CAMTA1: variants seen among roughly 807,000 people sequenced by gnomAD.
The protein encoded by CAMTA1 is calmodulin-binding transcription activator 1.
In CAMTA1, 27 loss-of-function variants were observed where a neutral mutation model predicts 170.9. That is an observed-to-expected ratio of 0.16 (90% confidence interval 0.12 to 0.22). The LOEUF (loss-of-function observed/expected upper bound fraction) is 0.22. Among genes scored for constraint, CAMTA1 ranks in the 10% least tolerant of loss-of-function variants. The pLI is 1.00. For synonymous variants in CAMTA1, 833 were observed against 891.5 expected, an observed-to-expected ratio of 0.93 and a Z score of 1.17; for missense variants, 1,619 against 2,217.2, an observed-to-expected ratio of 0.73 and a Z score of 5.42.
In CAMTA1 at chr1:7,612,388, C is replaced by T. The variant is rs576869644; in HGVS notation, c.511-28012C>T. Among the ~76,000 whole-genome samples the T allele has an allele frequency of 3.3e-5, 5 of 152,330 alleles. No homozygotes were observed. The East Asian group carries it at 9.6e-4, about 29-fold the overall frequency. On this transcript the variant is annotated intron_variant, in intron 6 of 22. Transcript: ENST00000303635. ...CGTTTAGACACTCCTTCTCTTTTCT[C>T]TTTCTCTGCCGTGCCACTGTGCCAC...
chr1:7,017,053 C>T (rs982984079), intron 3 of CAMTA1, among the ~76,000 whole-genome samples: 2 of 152,182 alleles, frequency 1.3e-5, no homozygotes, highest in Non-Finnish European at 2.9e-5. Context: ...TTCTTACACC[C>T]CACCACTGGG....
intron 6 of CAMTA1, among the ~76,000 whole-genome samples, chr1:7,579,552 C>CTTTCTTTCTTTTTT (rs1436192966): frequency 8.8e-5 from 7 of 79,192 alleles, no homozygotes; most frequent in African/African-American, 4.1e-4. Flanking sequence ...CTTTTCTTTT[C>CTTTCTTTCTTTTTT]TTTTTTTTTT....
At chr1:7,385,978 G>A (rs899455816) in intron 5 of CAMTA1, among the ~76,000 whole-genome samples, 1 of 152,146 alleles carries the variant, frequency 6.6e-6, no homozygotes, top group African/African-American at 2.4e-5. Context: ...TGTTGCGTGT[G>A]CCTCCCCCAT....
intron 6 of CAMTA1, among the ~76,000 whole-genome samples, chr1:7,558,251 C>T (rs747053813): frequency 5.3e-5 from 8 of 152,220 alleles, no homozygotes; most frequent in Admixed American, 2.6e-4. Context: ...CCAGGGCCCC[C>T]GCCCGCTGCC....
chr1:7,525,022 C>T (rs1271514976), intron 6 of CAMTA1, among the ~76,000 whole-genome samples: 1 of 152,184 alleles, frequency 6.6e-6, no homozygotes, highest in Non-Finnish European at 1.5e-5. Context: ...AAATCAAGGG[C>T]TGCAGACCTG....
intron 7 of CAMTA1, among the ~76,000 whole-genome samples, chr1:7,650,314 GTCA>G (rs999416144): frequency 6.6e-6 from 1 of 152,192 alleles, no homozygotes; most frequent in African/African-American, 2.4e-5. Flanking sequence ...CACTTTGTAT[GTCA>G]CTGAGCACCT....
At chr1:7,507,120 C>T (rs377039656) in intron 6 of CAMTA1, among the ~76,000 whole-genome samples, 2 of 151,786 alleles carry the variant, frequency 1.3e-5, no homozygotes, top group Non-Finnish European at 2.9e-5. Context: ...ACCCTCTAAC[C>T]CTCTCACATT....
intron 3 of CAMTA1, among the ~76,000 whole-genome samples, chr1:6,973,127 C>T (rs548894827): frequency 6.6e-6 from 1 of 152,342 alleles, no homozygotes; most frequent in South Asian, 2.1e-4. Context: ...GCTGGGATTA[C>T]AGGCATGAGC....
intron 5 of CAMTA1, among the ~76,000 whole-genome samples, chr1:7,304,002 C>G (rs1432052938): frequency 2.0e-5 from 3 of 152,112 alleles, no homozygotes; most frequent in African/African-American, 7.2e-5. Context: ...TCTCTGAGAT[C>G]TCAGAATAGG....
intron 4 of CAMTA1, among the ~76,000 whole-genome samples, chr1:7,242,123 A>G (rs756145428): frequency 1.3e-5 from 2 of 152,196 alleles, no homozygotes; most frequent in Non-Finnish European, 2.9e-5. Context: ...AAGGCAACTC[A>G]ATTAAAAATA....
intron 3 of CAMTA1, among the ~76,000 whole-genome samples, chr1:6,936,417 G>T (rs1213556253): frequency 6.6e-6 from 1 of 152,146 alleles, no homozygotes; most frequent in Non-Finnish European, 1.5e-5. Context: ...TGTTTCTGGT[G>T]GTGCCTGGTG....
Position 7,665,841 on chromosome 1 carries a change from A to C in CAMTA1, c.2652+642A>C, listed in dbSNP as rs1344544736. 6.6e-6 allele frequency among the ~76,000 whole-genome samples: 1 copy of C among 151,258 alleles called. No individual in the cohort carries two copies. The highest frequency in any genetic ancestry group is 1.5e-5 in the Non-Finnish European group (1 of 67,830). ...TATGTTTTGCTTTGCTTTTTTTTTG[A>C]AAAGGGGTCCCAGGGTTGCTTAAAA... On this transcript the variant is annotated intron_variant, in intron 9 of 22. Transcript: ENST00000303635. The surrounding 1 kb of genome is among the most constrained non-coding windows in gnomAD (Gnocchi z 4.3).
intron 9 of CAMTA1, among the ~76,000 whole-genome samples, chr1:7,669,433 C>T (rs906341353): frequency 8.5e-5 from 13 of 152,226 alleles, no homozygotes; most frequent in East Asian, 1.9e-4. Flanking sequence ...TTGTAGAGGC[C>T]GGGGCTTCCT....
chr1:7,572,731 C>T (rs554181953), intron 6 of CAMTA1, among the ~76,000 whole-genome samples: 3 of 152,316 alleles, frequency 2.0e-5, no homozygotes, highest in African/African-American at 7.2e-5. Context: ...AATACCATCA[C>T]CTGGGGGTTT....
intron 3 of CAMTA1, among the ~76,000 whole-genome samples, chr1:6,825,846 G>A (rs75371016): frequency 0.017 from 2,584 of 152,252 alleles, 34 homozygotes; most frequent in South Asian, 0.033. Context: ...GTTAGGAGTG[G>A]ATTGCTTTGT....
At position 7,224,618 on chromosome 1, in the gene CAMTA1, G is replaced by A. The variant is rs1661370851; in HGVS notation, c.303-24873G>A. Among the ~76,000 whole-genome samples, 1 of 152,198 alleles carries A rather than the reference G, an allele frequency of 6.6e-6. No homozygotes were observed. Among genetic ancestry groups the A allele is most frequent in the Non-Finnish European group, 1.5e-5 (1 of 68,034 alleles). On this transcript the variant is annotated intron_variant, in intron 4 of 22. Transcript: ENST00000303635. This position sits in a 1 kb window ranked among gnomAD's most constrained non-coding sequence, Gnocchi z 5.2. ...CACAAAACTCATGAATTCCGTCCCT[G>A]CTCAAGCGGGGTCCCAGGTTGGAGG...
intron 6 of CAMTA1, among the ~76,000 whole-genome samples, chr1:7,495,917 A>G (rs1427032713): frequency 6.6e-6 from 1 of 152,124 alleles, no homozygotes; most frequent in East Asian, 1.9e-4. Context: ...GCCTGTTCCC[A>G]GGGTCCTGTC....
chr1:7,071,598 G>T (rs1318769015), intron 3 of CAMTA1, among the ~76,000 whole-genome samples: 1 of 152,158 alleles, frequency 6.6e-6, no homozygotes, highest in African/African-American at 2.4e-5. Context: ...AGAACCAACA[G>T]ATTAGAAAGA....
chr1:6,927,835 A>C (rs954769523), intron 3 of CAMTA1, among the ~76,000 whole-genome samples: 1 of 152,232 alleles, frequency 6.6e-6, no homozygotes, highest in Non-Finnish European at 1.5e-5. Context: ...CTTGGTGCAC[A>C]GTTTGGGAAC....
Sources: gnomAD v4.1 joint callset for allele counts (sites outside exome capture counted in the v4.1 genomes callset) on GRCh38, gnomAD v4.1.1 for gene constraint, Gnocchi (gnomAD v3.1) non-coding constraint, MANE v1.5 for transcripts, NCBI Gene and HGNC (gene_info 2026-07-23, HGNC 2026-07-21) for gene names.